Variants in ABCA9 observed in about 807,000 individuals in gnomAD.
ABCA9 encodes ATP-binding cassette sub-family A member 9.
A neutral mutation model predicts 205.3 loss-of-function variants in ABCA9; 183 were observed. The ratio of observed to expected loss-of-function variants is 0.89; its 90% CI spans 0.79 to 1.01. The LOEUF (loss-of-function observed/expected upper bound fraction) is 1.01, where lower values mean the gene tolerates loss of function less well. Among genes scored for constraint, ABCA9 ranks in the 50% least tolerant of loss-of-function variants. ABCA9 has a pLI of 0.00. For synonymous variants in ABCA9, 651 were observed against 683.3 expected (o/e 0.95, Z 0.74); for missense variants, 1,805 against 1,912.4 (o/e 0.94, Z 1.05).
At chr17:69,074,033 T>C in the ABCA9 span, among the ~76,000 whole-genome samples, 4 of 152,166 alleles carry the variant, frequency 2.6e-5, no homozygotes, top group African/African-American at 4.8e-5. Flanking sequence ...CCAGGTATTG[T>C]GATTTATCAC....
Position 68,975,658 on chromosome 17 carries a change from T to C in ABCA9, c.*257A>G, listed in dbSNP as rs937895939. The C allele has an allele frequency of 3.2e-5, 10 of 313,030 alleles. No individual in the cohort carries two copies. Among genetic ancestry groups the C allele is most frequent in the African/African-American group, 2.1e-4 (10 of 47,848 alleles). The allele number at this position is 313,030 out of a possible 1,614,324, so 19.4% of individuals were successfully genotyped here. A position where few individuals can be genotyped will look rare whatever the true frequency, so the allele number is the denominator to read the frequency against. On this transcript the variant is annotated 3_prime_UTR_variant, in exon 39 of 39. Coordinates refer to ENST00000340001, the MANE Select transcript of ABCA9 (RefSeq NM_080283.4). ...TAGACAATTCTATAATAAATGCATTTTTAAACTTAACACAGTAGGAAACAT... is the reference window on the plus strand; with the variant it reads ...TAGACAATTCTATAATAAATGCATTCTTAAACTTAACACAGTAGGAAACAT...
upstream of ABCA9, among the ~76,000 whole-genome samples, chr17:69,062,804 C>T (rs943810184): frequency 6.6e-5 from 10 of 152,112 alleles, no homozygotes; most frequent in African/African-American, 2.2e-4. Context: ...GAAGCCACTG[C>T]GCCCGACGTA....
Position 68,985,037 on chromosome 17 carries a change from C to T in ABCA9, c.4284+16G>A, listed in dbSNP as rs1425374961. 3.7e-6 allele frequency: 6 copies of T among 1,614,248 alleles called. No individual in the cohort carries two copies. Among genetic ancestry groups the T allele is most frequent in the African/African-American group, 1.3e-5 (1 of 75,070 alleles). Reference sequence around the variant, plus strand: ...ATCTACGGCACTTGCAGAGCAACAACAAGCCCTGCCCGTACCTTTCGCTTT... The same window carrying T: ...ATCTACGGCACTTGCAGAGCAACAATAAGCCCTGCCCGTACCTTTCGCTTT... On this transcript the variant is annotated intron_variant, in intron 33 of 38. Coordinates refer to ENST00000340001, the MANE Select transcript of ABCA9 (RefSeq NM_080283.4).
chr17:69,050,120 T>C (rs921509512), intron 2 of ABCA9, among the ~76,000 whole-genome samples: 6 of 152,046 alleles, frequency 3.9e-5, no homozygotes, highest in African/African-American at 1.4e-4. Context: ...TTTTTAGCTA[T>C]GTGTGTTGGT....
chr17:69,051,259 G>T, intron 1 of ABCA9, 120 bp from the exon 2 acceptor site: 1 of 817,680 alleles, frequency 1.2e-6, no homozygotes. Context: ...TGGAGAAGAA[G>T]AAAGCCAAAA....
chr17:69,010,126 C>T (rs1044300947), intron 23 of ABCA9, among the ~76,000 whole-genome samples: 1 of 149,758 alleles, frequency 6.7e-6, no homozygotes, highest in Non-Finnish European at 1.5e-5. Flanking sequence ...TAGAGAAAAA[C>T]ATTCCTGTGC....
At chr17:69,010,842 C>A (rs1305251523) in intron 23 of ABCA9, among the ~76,000 whole-genome samples, 6 of 152,104 alleles carry the variant, frequency 3.9e-5, no homozygotes, top group Admixed American at 3.9e-4. Context: ...TATGCTAGAG[C>A]AACTGTAGAC....
In ABCA9 at chr17:69,020,497, C is replaced by T. The variant is rs1330177914; in HGVS notation, c.2491G>A (p.Glu831Lys). 15 of 1,613,954 alleles carry T rather than the reference C, an allele frequency of 9.3e-6. No individual in the cohort carries two copies. The highest frequency in any genetic ancestry group is 2.7e-5 in the African/African-American group (2 of 74,932). The part of the protein sequence containing the change: ...ELEQVLSSFH[E>K]TRKTISGVAL... Reference sequence around the variant, plus strand: ...ACGCCACTGATTGTTTTCCTTGTTTCGTGGAAGGAAGACAAAACTTGTTCC... The same window carrying T: ...ACGCCACTGATTGTTTTCCTTGTTTTGTGGAAGGAAGACAAAACTTGTTCC... The change falls in exon 19 of 39, where the codon GAA becomes AAA. Residue 831 changes from glutamate to lysine, a missense_variant. Coordinates refer to ENST00000340001, the MANE Select transcript of ABCA9 (RefSeq NM_080283.4).
chr17:69,071,241 C>G, the ABCA9 span, among the ~76,000 whole-genome samples: 1 of 152,212 alleles, frequency 6.6e-6, no homozygotes, highest in Non-Finnish European at 1.5e-5. Flanking sequence ...TTGAGCTCTG[C>G]TAAGGGACAG....
intron 22 of ABCA9, among the ~76,000 whole-genome samples, chr17:69,012,727 G>T (rs569260128): frequency 6.6e-6 from 1 of 152,024 alleles, no homozygotes; most frequent in Non-Finnish European, 1.5e-5. Context: ...TATCCTTTGC[G>T]TTACAAACAA....
In ABCA9 at chr17:68,984,152, C is replaced by T. The variant is rs755652843; in HGVS notation, c.4403G>A (p.Arg1468Lys). 6.2e-7 allele frequency: 1 copy of T among 1,614,146 alleles called. No individual in the cohort carries two copies. The stretch of plus-strand genomic sequence containing the variant: ...CAGGAGGGCGCCCCTCTCCGTGTTT[C>T]TAAAGGTGGCCCGAATCACCTGCCT... Reference protein sequence around the residue: ...QMWQVIRATFRNTERGALLTT... With the variant: ...QMWQVIRATFKNTERGALLTT... Residue 1468 changes from arginine to lysine, a missense_variant, in exon 35 of 39, where the codon AGA becomes AAA. By Grantham distance (26) the Arg-to-Lys change is conservative. Coordinates refer to ENST00000340001, the MANE Select transcript of ABCA9 (RefSeq NM_080283.4).
intron 5 of ABCA9, 34 bp downstream of exon 5, chr17:69,044,463 C>T (rs762401991): frequency 2.5e-6 from 4 of 1,572,224 alleles, no homozygotes; most frequent in Non-Finnish European, 3.5e-6. Context: ...AATTCAAATG[C>T]AATGTGGTTA....
intron 1 of ABCA9, among the ~76,000 whole-genome samples, chr17:69,052,343 A>G (rs1598415612): frequency 6.6e-6 from 1 of 152,202 alleles, no homozygotes; most frequent in East Asian, 1.9e-4. Context: ...CTACTGTACT[A>G]CAGCCTGGGT....
chr17:69,003,022 A>G (rs2144130545), intron 25 of ABCA9, among the ~76,000 whole-genome samples: 2 of 149,182 alleles, frequency 1.3e-5, no homozygotes, highest in South Asian at 2.1e-4. Flanking sequence ...TCTGCATGTG[A>G]GATAGGTTTC....
intron 6 of ABCA9, among the ~76,000 whole-genome samples, chr17:69,036,298 G>C (rs2071336734): frequency 6.6e-6 from 1 of 152,116 alleles, no homozygotes; most frequent in African/African-American, 2.4e-5. Context: ...ATGTGTGGCT[G>C]TGTTTCAATA....
At chr17:69,010,567 A>G (rs2070336766) in intron 23 of ABCA9, among the ~76,000 whole-genome samples, 1 of 152,144 alleles carries the variant, frequency 6.6e-6, no homozygotes, top group Non-Finnish European at 1.5e-5. Context: ...CTGCAAAGAG[A>G]AACTGCCGGG....
At chr17:68,995,052 G>T (rs2069572379) in intron 26 of ABCA9, among the ~76,000 whole-genome samples, 1 of 152,130 alleles carries the variant, frequency 6.6e-6, no homozygotes, top group African/African-American at 2.4e-5. Flanking sequence ...CTTTTGCATT[G>T]ACACTTTCAT....
At chr17:68,994,003 G>A (rs71375716) in intron 26 of ABCA9, among the ~76,000 whole-genome samples, 3,845 of 152,228 alleles carry the variant, frequency 0.025, 76 homozygotes, top group Non-Finnish European at 0.037. Context: ...AGCTTCCCGA[G>A]TAGTTTGGAT....
At chr17:69,063,748 A>G (rs2072311854), upstream of ABCA9, among the ~76,000 whole-genome samples, 1 of 151,776 alleles carries the variant, frequency 6.6e-6, no homozygotes, top group Non-Finnish European at 1.5e-5. Flanking sequence ...AATTTTTTGT[A>G]TTTTTAGTAG....
Sources: gnomAD v4.1 joint callset for allele counts (sites outside exome capture counted in the v4.1 genomes callset) on GRCh38, gnomAD v4.1.1 for gene constraint, MANE v1.5 for transcripts, NCBI Gene and HGNC (gene_info 2026-07-23, HGNC 2026-07-21) for gene names.